USP15: variants seen among roughly 807,000 people sequenced by gnomAD.
USP15 encodes the protein ubiquitin specific peptidase 15, also known as ubiquitin carboxyl-terminal hydrolase 15.
USP15 carries 18 observed loss-of-function variants against 127.1 expected under a neutral mutation model. The ratio of observed to expected loss-of-function variants is 0.14; its 90% CI spans 0.10 to 0.21. The LOEUF (loss-of-function observed/expected upper bound fraction) is 0.21. Among genes scored for constraint, USP15 ranks in the 10% least tolerant of loss-of-function variants. USP15 has a pLI of 1.00. For synonymous variants in USP15, 364 were observed against 393.7 expected (o/e 0.92, Z 0.89); for missense variants, 805 against 1,159.9 (o/e 0.69, Z 4.44).
intron 2 of USP15, among the ~76,000 whole-genome samples, chr12:62,299,956 T>C (rs2064257175): frequency 6.6e-6 from 1 of 152,172 alleles, no homozygotes; most frequent in Non-Finnish European, 1.5e-5. Context: ...ATATATCTTT[T>C]TTAGTGAAAT....
At chr12:62,273,643 G>A (rs1025630332) in intron 1 of USP15, among the ~76,000 whole-genome samples, 3 of 151,942 alleles carry the variant, frequency 2.0e-5, no homozygotes, top group Admixed American at 2.0e-4. Context: ...ATTGAGATTG[G>A]TATGACAAAT....
intron 1 of USP15, among the ~76,000 whole-genome samples, chr12:62,281,177 A>G (rs550512351): frequency 2.6e-5 from 4 of 152,310 alleles, no homozygotes; most frequent in East Asian, 1.9e-4. Flanking sequence ...CAACAGATCT[A>G]TATAAATGTA....
In USP15 at chr12:62,355,434, A is replaced by T; in HGVS notation, c.874A>T (p.Ser292Cys). Residue 292 changes from serine (S) to cysteine (C), a missense_variant, in exon 8 of 22, where the codon AGT (serine) becomes TGT (cysteine). Coordinates refer to ENST00000280377, the MANE Select transcript of USP15 (RefSeq NM_001252078.2). The stretch of plus-strand genomic sequence containing the variant: ...TGAACAGCCAGGCCTCTGTGGCCTA[A>T]GTAACTTGGGAAATACGTGTTTCAT... ...NNEQPGLCGL[S>C]NLGNTCFMNS... The T allele has an allele frequency of 1.2e-6, 2 of 1,608,880 alleles. No homozygotes were observed. Among genetic ancestry groups the T allele is most frequent in the Non-Finnish European group, 1.7e-6 (2 of 1,177,244 alleles).
intron 8 of USP15, among the ~76,000 whole-genome samples, chr12:62,359,851 A>G (rs2066259238): frequency 6.6e-6 from 1 of 152,160 alleles, no homozygotes; most frequent in Admixed American, 6.6e-5. Flanking sequence ...GGTTACCCCT[A>G]GCCCCTGCCT....
rs1303122844 is a variant in USP15 at position 62,320,894 on chromosome 12, A to G, written c.476-570A>G. Among the ~76,000 whole-genome samples, 4 of 152,152 alleles carry G rather than the reference A, an allele frequency of 2.6e-5. No homozygotes were observed. In the East Asian group the frequency reaches 7.7e-4, roughly 29 times the overall value. On this transcript the variant is annotated intron_variant, in intron 4 of 21. Transcript: ENST00000280377. The stretch of plus-strand genomic sequence containing the variant: ...ATTGACCAGAACTAGATGAAATTTC[A>G]GTAAATTGATTTAGAAATCAGAAAA...
chr12:62,386,514 T>C (rs1393997520), intron 11 of USP15, among the ~76,000 whole-genome samples: 3 of 152,026 alleles, frequency 2.0e-5, no homozygotes, highest in Non-Finnish European at 2.9e-5. Flanking sequence ...AAACTGGTTA[T>C]GAGGCCTGTG....
chr12:62,339,788 A>G (rs942225656), intron 6 of USP15, among the ~76,000 whole-genome samples: 19 of 152,184 alleles, frequency 1.2e-4, no homozygotes, highest in Admixed American at 1.0e-3. Flanking sequence ...TCGGTTGACC[A>G]ATATTTTATT....
chr12:62,287,734 G>A (rs973090254), intron 1 of USP15, among the ~76,000 whole-genome samples: 1 of 151,860 alleles, frequency 6.6e-6, no homozygotes, highest in African/African-American at 2.4e-5. Flanking sequence ...AATTTTTGTT[G>A]TTGTTGTTTT....
chr12:62,389,051 G>A (rs2137605895), intron 11 of USP15, among the ~76,000 whole-genome samples: 1 of 147,610 alleles, frequency 6.8e-6, no homozygotes, highest in Non-Finnish European at 1.5e-5. Context: ...CTTGAGCCCG[G>A]GAGGTTGAGG....
At chr12:62,358,443 G>T (rs781220725) in intron 8 of USP15, among the ~76,000 whole-genome samples, 4 of 152,136 alleles carry the variant, frequency 2.6e-5, no homozygotes, top group Non-Finnish European at 5.9e-5. Context: ...GTCCAGGCAT[G>T]GTGACTCATG....
At chr12:62,274,934 T>C (rs1387226937) in intron 1 of USP15, among the ~76,000 whole-genome samples, 1 of 152,068 alleles carries the variant, frequency 6.6e-6, no homozygotes, top group Non-Finnish European at 1.5e-5. Flanking sequence ...GCTATCATAG[T>C]AATCTATGCC....
At chr12:62,360,739 G>T (rs1298547435) in intron 8 of USP15, among the ~76,000 whole-genome samples, 1 of 151,962 alleles carries the variant, frequency 6.6e-6, no homozygotes, top group Non-Finnish European at 1.5e-5. Flanking sequence ...AATAGTTTAG[G>T]ATCTTATATT....
At chr12:62,375,533 G>A (rs1014135846) in intron 8 of USP15, among the ~76,000 whole-genome samples, 8 of 152,084 alleles carry the variant, frequency 5.3e-5, no homozygotes, top group Non-Finnish European at 7.4e-5. Context: ...TCTCAAGTGC[G>A]GTGTAACGGA....
intron 5 of USP15, 144 bp from the exon 6 acceptor site, chr12:62,325,728 C>A: frequency 1.7e-6 from 1 of 572,494 alleles, no homozygotes; most frequent in Non-Finnish European, 2.9e-6. Context: ...AATCGAAATG[C>A]AGATTACCTG....
chr12:62,398,612 T>A (rs546286508), intron 20 of USP15, among the ~76,000 whole-genome samples: 1 of 152,340 alleles, frequency 6.6e-6, no homozygotes, highest in African/African-American at 2.4e-5. Context: ...GTCACTTCAT[T>A]CTTACCTTTA....
chr12:62,281,873 A>T (rs2063658722), intron 1 of USP15, among the ~76,000 whole-genome samples: 1 of 152,202 alleles, frequency 6.6e-6, no homozygotes, highest in African/African-American at 2.4e-5. Flanking sequence ...TGACATAGAA[A>T]TGTATGACAT....
intron 1 of USP15, among the ~76,000 whole-genome samples, chr12:62,270,520 A>G (rs11174407): frequency 0.064 from 9,721 of 152,118 alleles, 409 homozygotes; most frequent in Middle Eastern, 0.11. Flanking sequence ...CTGTAATTCA[A>G]TCGAGTTAAT....
intron 11 of USP15, 134 bp from the exon 12 acceptor site, chr12:62,389,297 G>C: frequency 1.4e-6 from 1 of 703,054 alleles, no homozygotes. Flanking sequence ...CAGGACCCAG[G>C]ATAGTGGCAA....
intron 6 of USP15, among the ~76,000 whole-genome samples, chr12:62,330,697 T>G (rs7302617): frequency 0.33 from 49,710 of 148,488 alleles, 8,760 homozygotes; most frequent in African/African-American, 0.46. Context: ...AGAATAGGAG[T>G]ATCACTTGAG....
Sources: allele counts gnomAD v4.1 joint callset (sites outside exome capture counted in the v4.1 genomes callset), GRCh38; gene constraint gnomAD v4.1.1; transcripts MANE v1.5; gene names NCBI Gene and HGNC (gene_info 2026-07-23, HGNC 2026-07-21).